Variants in EXOC4 observed in about 807,000 individuals in gnomAD.
EXOC4 encodes SEC8-like 1.
EXOC4 carries 71 observed loss-of-function variants against 107.2 expected under a neutral mutation model. The observed-to-expected ratio is 0.66, with a 90% CI of 0.55 to 0.81. The LOEUF is 0.81. Among genes scored for constraint, EXOC4 ranks in the 30% least tolerant of loss-of-function variants. The pLI is 0.00. For missense variants in EXOC4, 1,108 were observed against 1,189.6 expected (o/e 0.93, Z 1.01); for synonymous variants, 456 against 441.2 (o/e 1.03, Z -0.42).
chr7:133,859,785 T>G (rs779960950), intron 11 of EXOC4, among the ~76,000 whole-genome samples: 4 of 152,198 alleles, frequency 2.6e-5, no homozygotes, highest in Non-Finnish European at 5.9e-5. Flanking sequence ...AACAGTATTT[T>G]TTTAATGTCT....
At chr7:133,961,051 A>T (rs559852282) in intron 14 of EXOC4, among the ~76,000 whole-genome samples, 1 of 152,172 alleles carries the variant, frequency 6.6e-6, no homozygotes, top group Admixed American at 6.5e-5. Flanking sequence ...TAGGGAGGTT[A>T]TCTTGGGTTA....
intron 11 of EXOC4, among the ~76,000 whole-genome samples, chr7:133,874,997 A>G (rs1798820040): frequency 6.6e-6 from 1 of 152,254 alleles, no homozygotes; most frequent in Non-Finnish European, 1.5e-5. Flanking sequence ...TGCTACATCA[A>G]GAGGAGCTTC....
At chr7:134,090,393 T>A in the EXOC4 span, among the ~76,000 whole-genome samples, 2 of 152,228 alleles carry the variant, frequency 1.3e-5, no homozygotes, top group Non-Finnish European at 2.9e-5. Flanking sequence ...GAAAAGCCCA[T>A]GCTGTATCCT....
chr7:133,296,606 G>T (rs1197777352), intron 3 of EXOC4, among the ~76,000 whole-genome samples: 1 of 152,012 alleles, frequency 6.6e-6, no homozygotes, highest in Non-Finnish European at 1.5e-5. Flanking sequence ...GCTGCTCAAG[G>T]CCCTTTTTAT....
intron 1 of EXOC4, among the ~76,000 whole-genome samples, chr7:133,261,229 AT>A (rs140400761): frequency 3.5e-5 from 5 of 142,468 alleles, no homozygotes; most frequent in East Asian, 2.0e-4. Flanking sequence ...CCATTGATTA[AT>A]TTTTTTTTCC....
At chr7:133,544,002 C>G (rs1314005649) in intron 9 of EXOC4, among the ~76,000 whole-genome samples, 1 of 152,030 alleles carries the variant, frequency 6.6e-6, no homozygotes, top group Non-Finnish European at 1.5e-5. Context: ...TGAATTATTT[C>G]TTTCTGAACA....
At chr7:133,285,915 A>G (rs1371550429) in intron 2 of EXOC4, among the ~76,000 whole-genome samples, 1 of 152,010 alleles carries the variant, frequency 6.6e-6, no homozygotes, top group African/African-American at 2.4e-5. Context: ...ATGTGCCACT[A>G]TACCCGGCTG....
chr7:133,915,042 C>G (rs1362941179), intron 12 of EXOC4, among the ~76,000 whole-genome samples: 4 of 152,154 alleles, frequency 2.6e-5, no homozygotes, highest in African/African-American at 4.8e-5. Flanking sequence ...AATAGAAAAT[C>G]TAGAAATGAA....
At chr7:133,845,154 C>A (rs1302059000) in intron 11 of EXOC4, among the ~76,000 whole-genome samples, 1 of 152,036 alleles carries the variant, frequency 6.6e-6, no homozygotes, top group Non-Finnish European at 1.5e-5. Context: ...TGGAGGCCTA[C>A]TCTGACTAGG....
At chr7:133,371,568 T>C (rs1584861560) in intron 6 of EXOC4, among the ~76,000 whole-genome samples, 1 of 152,224 alleles carries the variant, frequency 6.6e-6, no homozygotes, top group South Asian at 2.1e-4. Flanking sequence ...GTATCAGTAC[T>C]TCATTCCTTT....
intron 10 of EXOC4, among the ~76,000 whole-genome samples, chr7:133,790,862 C>T (rs1020565621): frequency 1.3e-5 from 2 of 152,186 alleles, no homozygotes; most frequent in Non-Finnish European, 2.9e-5. Flanking sequence ...CTTTCACAAG[C>T]ATTAAACTCA....
At chr7:133,298,149 C>T (rs1483174823) in intron 3 of EXOC4, among the ~76,000 whole-genome samples, 4 of 152,168 alleles carry the variant, frequency 2.6e-5, no homozygotes, top group Non-Finnish European at 5.9e-5. Flanking sequence ...TCTATTTTCT[C>T]TGAGATTCAT....
At chr7:133,582,481 C>T (rs1585012223) in intron 9 of EXOC4, among the ~76,000 whole-genome samples, 1 of 152,140 alleles carries the variant, frequency 6.6e-6, no homozygotes, top group Admixed American at 6.6e-5. Context: ...ATAAAAGAGA[C>T]TGCTTTGCGG....
intron 14 of EXOC4, among the ~76,000 whole-genome samples, chr7:133,976,269 T>C (rs1239272755): frequency 2.6e-5 from 4 of 151,976 alleles, no homozygotes; most frequent in Admixed American, 1.3e-4. Flanking sequence ...AACCTCTCTT[T>C]TGTTTCTGTC....
At chr7:133,341,844 A>G (rs1028073520) in intron 5 of EXOC4, among the ~76,000 whole-genome samples, 1 of 152,152 alleles carries the variant, frequency 6.6e-6, no homozygotes, top group African/African-American at 2.4e-5. Flanking sequence ...TGATATAGAA[A>G]TAGCTATTCT....
At position 133,305,974 on chromosome 7, in the gene EXOC4, T is replaced by C; in HGVS notation, c.569T>C (p.Leu190Ser). The C allele has an allele frequency of 6.2e-7, 1 of 1,613,964 alleles. No homozygotes were observed. Among genetic ancestry groups the C allele is most frequent in the South Asian group, 1.1e-5 (1 of 91,072 alleles). ...CACAGCAAGAAGATGAACCTTCACT[T>C]GGTTCTCATAGATGAACTACACCGG... ...ELHSKKMNLHLVLIDELHRHL... is the reference protein window; with the variant it reads ...ELHSKKMNLHSVLIDELHRHL... Residue 190 changes from leucine to serine, a missense_variant, in exon 4 of 18, where the codon TTG becomes TCG. Physicochemically the swap from Leu to Ser is moderately radical, Grantham distance 145. Transcript: ENST00000253861.
intron 12 of EXOC4, among the ~76,000 whole-genome samples, chr7:133,917,186 TC>T (rs1799828974): frequency 1.3e-5 from 2 of 152,334 alleles, no homozygotes; most frequent in Non-Finnish European, 2.9e-5. Context: ...TTGTAACACT[TC>T]CGTCACCTTT....
At chr7:133,298,113 A>G (rs1794559327) in intron 3 of EXOC4, among the ~76,000 whole-genome samples, 3 of 152,194 alleles carry the variant, frequency 2.0e-5, no homozygotes, top group Admixed American at 1.3e-4. Flanking sequence ...TTGGCTTGAC[A>G]AGATAGGAGG....
At chr7:133,710,799 T>TTTTTGTTTTG (rs57951354) in intron 10 of EXOC4, among the ~76,000 whole-genome samples, 15 of 151,700 alleles carry the variant, frequency 9.9e-5, no homozygotes, top group African/African-American at 3.6e-4. Flanking sequence ...AATTTCTTTT[T>TTTTTGTTTTG]TTTTGTTTTG....
Sources: gnomAD v4.1 joint callset for allele counts (sites outside exome capture counted in the v4.1 genomes callset) on GRCh38, gnomAD v4.1.1 for gene constraint, MANE v1.5 for transcripts, NCBI Gene and HGNC (gene_info 2026-07-23, HGNC 2026-07-21) for gene names.